Variants in RAP1A observed in about 807,000 individuals in gnomAD.
RAP1A encodes RAP1A, member of RAS oncogene family, also known as ras-related protein Rap-1A.
RAP1A carries 6 observed loss-of-function variants against 26.4 expected under a neutral mutation model. That is an observed-to-expected ratio of 0.23 (90% CI 0.12 to 0.45). RAP1A has a LOEUF of 0.45. Among genes scored for constraint, RAP1A ranks in the 20% least tolerant of loss-of-function variants. The probability of loss-of-function intolerance (pLI) is 0.99; values close to 1 mark genes in which losing one functional copy is unlikely to be tolerated. For missense variants in RAP1A, 121 were observed against 217.2 expected (o/e 0.56, Z 2.78); for synonymous variants, 73 against 79.4 (o/e 0.92, Z 0.43).
chr1:111,570,411 G>C (rs1023194320), intron 1 of RAP1A, among the ~76,000 whole-genome samples: 1 of 152,134 alleles, frequency 6.6e-6, no homozygotes, highest in Non-Finnish European at 1.5e-5. Context: ...AACTCTGTAA[G>C]TAACCATCTA....
intron 1 of RAP1A, among the ~76,000 whole-genome samples, chr1:111,588,253 A>G (rs1235794850): frequency 1.3e-5 from 2 of 152,008 alleles, no homozygotes; most frequent in Non-Finnish European, 2.9e-5. Context: ...CCTCTCTGTA[A>G]TCCACTTCTA....
intron 1 of RAP1A, among the ~76,000 whole-genome samples, chr1:111,668,117 C>A (rs1386549296): frequency 6.6e-6 from 1 of 152,164 alleles, no homozygotes. Context: ...TAGTTGCAAC[C>A]TAGCCTTTAT....
intron 2 of RAP1A, among the ~76,000 whole-genome samples, chr1:111,693,715 C>T (rs1205657418): frequency 6.6e-6 from 1 of 152,126 alleles, no homozygotes; most frequent in Non-Finnish European, 1.5e-5. Context: ...TTCAATAGCA[C>T]ATGTTCTATA....
chr1:111,572,743 CT>C (rs1192801832), intron 1 of RAP1A, among the ~76,000 whole-genome samples: 2 of 152,122 alleles, frequency 1.3e-5, no homozygotes, highest in Non-Finnish European at 2.9e-5. Context: ...AGAACTTTCT[CT>C]TTTTTTAACT....
At chr1:111,698,488 C>T (rs1001236956) in intron 4 of RAP1A, among the ~76,000 whole-genome samples, 4 of 152,194 alleles carry the variant, frequency 2.6e-5, no homozygotes, top group South Asian at 2.1e-4. Context: ...AGGCTAATCT[C>T]GAACTCCTGA....
chr1:111,603,388 A>G (rs1658707896), intron 1 of RAP1A, among the ~76,000 whole-genome samples: 1 of 152,182 alleles, frequency 6.6e-6, no homozygotes, highest in African/African-American at 2.4e-5. Context: ...CCAACCTGTC[A>G]TCACTATAAT....
At position 111,704,360 on chromosome 1, in the gene RAP1A, T is replaced by C. The variant is rs368163965; in HGVS notation, c.342T>C (p.Val114=). The part of the protein sequence containing the change: ...KDTEDVPMIL[V]GNKCDLEDER... Reference sequence around the variant, plus strand: ...TCCCACAGGTTCCAATGATTTTGGTTGGCAATAAATGTGACCTGGAAGATG... The same window carrying C: ...TCCCACAGGTTCCAATGATTTTGGTCGGCAATAAATGTGACCTGGAAGATG... The change falls in exon 6 of 8, where the codon GTT becomes GTC. Residue 114 remains valine (V), a synonymous_variant. Coordinates refer to ENST00000369709, the MANE Select transcript of RAP1A (RefSeq NM_002884.4). 8 of 1,613,784 alleles carry C rather than the reference T, an allele frequency of 5.0e-6. No individual in the cohort carries two copies. The highest frequency in any genetic ancestry group is 6.8e-6 in the Non-Finnish European group (8 of 1,179,892).
rs3084315 is a variant in RAP1A at position 111,626,370 on chromosome 1, TACACACAC to T, written c.-28+6460_-28+6467del. The stretch of plus-strand genomic sequence containing the variant: ...AATAGCTTTTCTGCATATGTATACA[TACACACAC>T]ACACACACACACACACACACACATA... On this transcript the variant is annotated intron_variant, in intron 1 of 7. Transcript: ENST00000369709. Among the ~76,000 whole-genome samples the T allele has an allele frequency of 8.7e-3, 1,295 of 149,380 alleles. 20 individuals are homozygous for T. Among genetic ancestry groups the T allele is most frequent in the African/African-American group, 0.03 (1,228 of 40,452 alleles).
chr1:111,679,695 C>G (rs1170195612), intron 1 of RAP1A, among the ~76,000 whole-genome samples: 2 of 152,112 alleles, frequency 1.3e-5, no homozygotes, highest in Non-Finnish European at 1.5e-5. Flanking sequence ...TGAAGTTGAC[C>G]TGGGACACTC....
rs138357412 is a variant in RAP1A, at chr1:111,567,548, G to A, written c.-28+25039G>A. 2.8e-4 allele frequency among the ~76,000 whole-genome samples: 42 copies of A among 152,278 alleles called. No homozygotes were observed. In the East Asian group the frequency reaches 7.7e-3, roughly 28 times the overall value. ...CCAAAATTCATCTATTGAAGCCCTAGCCCCAAAGGTAACTGTATTTGGAAA... is the reference window on the plus strand; with the variant it reads ...CCAAAATTCATCTATTGAAGCCCTAACCCCAAAGGTAACTGTATTTGGAAA... On this transcript the variant is annotated intron_variant, in intron 1 of 7. Coordinates refer to the RAP1A transcript ENST00000356415.
intron 1 of RAP1A, among the ~76,000 whole-genome samples, chr1:111,655,593 A>C (rs1246474427): frequency 6.7e-6 from 1 of 150,286 alleles, no homozygotes; most frequent in Non-Finnish European, 1.5e-5. Context: ...GGACCCACAC[A>C]TTCCTGATTG....
intron 1 of RAP1A, chr1:111,604,624 C>T (rs1658735995): frequency 6.6e-6 from 1 of 152,232 alleles, no homozygotes; most frequent in African/African-American, 2.4e-5. Flanking sequence ...CTACCCACTT[C>T]TTACCTTGTA....
At chr1:111,606,269 CCCT>C (rs1307996729) in intron 1 of RAP1A, among the ~76,000 whole-genome samples, 1 of 152,068 alleles carries the variant, frequency 6.6e-6, no homozygotes, top group Non-Finnish European at 1.5e-5. Flanking sequence ...GTAAAATGCC[CCCT>C]AAGGGAATTC....
In RAP1A at chr1:111,546,986, G is replaced by A. The variant is rs150425923; in HGVS notation, c.-28+4477G>A. On this transcript the variant is annotated intron_variant, in intron 1 of 7. Coordinates refer to the RAP1A transcript ENST00000356415. Reference sequence around the variant, plus strand: ...TTTAATAATAGCCATCCTAAGGAGTGTAAAGTGGAACAATGCCCAAGGATT... The same window carrying A: ...TTTAATAATAGCCATCCTAAGGAGTATAAAGTGGAACAATGCCCAAGGATT... Among the ~76,000 whole-genome samples, 12 of 152,258 alleles carry A rather than the reference G, an allele frequency of 7.9e-5. No individual in the cohort carries two copies. In the East Asian group the frequency reaches 1.7e-3, roughly 22 times the overall value.
upstream of RAP1A, chr1:111,619,710 T>C (rs371678874): frequency 3.8e-5 from 15 of 392,684 alleles, no homozygotes; most frequent in Non-Finnish European, 5.4e-5. Context: ...AGCCCAGCCA[T>C]CGCCAACTTG....
chr1:111,668,576 C>G (rs1445790965), intron 1 of RAP1A, among the ~76,000 whole-genome samples: 1 of 152,116 alleles, frequency 6.6e-6, no homozygotes, highest in Non-Finnish European at 1.5e-5. Flanking sequence ...TGTAACTTGA[C>G]CAAGGTTAGT....
intron 1 of RAP1A, chr1:111,686,569 T>TA (rs1347572729): frequency 6.6e-6 from 1 of 151,702 alleles, no homozygotes. Flanking sequence ...TGCATGTCTG[T>TA]AGTCCCAGCT....
At chr1:111,551,110 T>C (rs919378939) in intron 1 of RAP1A, among the ~76,000 whole-genome samples, 6 of 152,218 alleles carry the variant, frequency 3.9e-5, no homozygotes, top group African/African-American at 9.6e-5. Flanking sequence ...TCTTTTACTT[T>C]CAACCTGTTT....
At chr1:111,640,451 A>T (rs180796743) in intron 1 of RAP1A, among the ~76,000 whole-genome samples, 1 of 152,200 alleles carries the variant, frequency 6.6e-6, no homozygotes, top group Non-Finnish European at 1.5e-5. Context: ...ATCTGATAGC[A>T]GGGATTCTTT....
Sources: allele counts gnomAD v4.1 joint callset (sites outside exome capture counted in the v4.1 genomes callset), GRCh38; gene constraint gnomAD v4.1.1; transcripts MANE v1.5; gene names NCBI Gene and HGNC (gene_info 2026-07-23, HGNC 2026-07-21).